Variants in DEF8 observed in about 807,000 individuals in gnomAD.
The protein encoded by DEF8 is DEF-8.
Under a neutral mutation model 59.1 loss-of-function variants are expected in DEF8, and 38 were observed. The observed-to-expected ratio is 0.64, with a 90% CI of 0.50 to 0.84. The LOEUF is 0.84. Ranked by LOEUF, DEF8 falls within the 40% of genes least tolerant of loss-of-function variation. DEF8 has a pLI of 0.00. For missense variants in DEF8, 557 were observed against 615.2 expected (o/e 0.91, Z 1.00); for synonymous variants, 265 against 250.1 (o/e 1.06, Z -0.56).
In DEF8 at chr16:89,954,216, C is replaced by T; in HGVS notation, c.-10-27C>T. The T allele has an allele frequency of 6.2e-7, 1 of 1,606,758 alleles. No homozygotes were observed. Among genetic ancestry groups the T allele is most frequent in the Non-Finnish European group, 8.5e-7 (1 of 1,177,124 alleles). On this transcript the variant is annotated intron_variant, in intron 2 of 12. Transcript: ENST00000563594. This position sits in a 1 kb window ranked among gnomAD's most constrained non-coding sequence, Gnocchi z 4.3. ...CCGTGGTGAGCCTGGTACCTGGGGA[C>T]TCATCCTGGCCCTGCCTGGCCCTCA...
Position 89,959,164 on chromosome 16 carries a change from A to C in DEF8, c.514+9A>C. The C allele has an allele frequency of 6.2e-7, 1 of 1,613,942 alleles. No individual in the cohort carries two copies. Among genetic ancestry groups the C allele is most frequent in the Non-Finnish European group, 8.5e-7 (1 of 1,180,032 alleles). On this transcript the variant is annotated intron_variant, in intron 6 of 12. Coordinates refer to ENST00000563594, the MANE Select transcript of DEF8 (RefSeq NM_001242818.2). Reference sequence around the variant, plus strand: ...CTGGTACACCTGCACAGGTGGGCCGAGACCCAGACGAGGAGTGAGGAATGA... The same window carrying C: ...CTGGTACACCTGCACAGGTGGGCCGCGACCCAGACGAGGAGTGAGGAATGA...
chr16:89,962,139 C>T lies in DEF8; in HGVS notation c.921+14C>T, dbSNP rs894829489. 2.5e-6 allele frequency: 4 copies of T among 1,608,678 alleles called. No individual in the cohort carries two copies. The highest frequency in any genetic ancestry group is 1.7e-5 in the Admixed American group (1 of 59,802). On this transcript the variant is annotated intron_variant, in intron 9 of 12. Coordinates refer to ENST00000563594, the MANE Select transcript of DEF8 (RefSeq NM_001242818.2). ...GTGGAGATTCGCGTGAGGCTGGGGC[C>T]ATGGAAGTGGGGGGCGGGGGCGCTG...
chr16:89,950,786 CCT>C (rs113500176), intron 2 of DEF8, among the ~76,000 whole-genome samples: 19,939 of 152,016 alleles, frequency 0.13, 1,464 homozygotes, highest in Middle Eastern at 0.24. Flanking sequence ...TTGAGACCAG[CCT>C]GGGCATCAGA....
chr16:89,963,568 C>G (rs970178946), intron 10 of DEF8, 125 bp downstream of exon 10: 1 of 702,320 alleles, frequency 1.4e-6, no homozygotes, highest in Non-Finnish European at 2.4e-6. Flanking sequence ...CGCCTCACCA[C>G]GGTCCCAAGG....
In DEF8 at chr16:89,954,488, G is replaced by A. The variant is rs879248064; in HGVS notation, c.124+112G>A. The A allele has an allele frequency of 1.6e-5, 18 of 1,141,006 alleles. No homozygotes were observed. Among genetic ancestry groups the A allele is most frequent in the South Asian group, 9.1e-5 (6 of 66,292 alleles). The allele number at this position is 1,141,006 out of a possible 1,614,324, so 70.7% of individuals were successfully genotyped here. A position where few individuals can be genotyped will look rare whatever the true frequency, so the allele number is the denominator to read the frequency against. On this transcript the variant is annotated intron_variant, in intron 3 of 12. Transcript: ENST00000563594. The surrounding 1 kb of genome is among the most constrained non-coding windows in gnomAD (Gnocchi z 4.3). ...GCAGCCCTGGCTTTCCCACGGAGCC[G>A]GCACCTGCTGGCTGTGTTCTTTTTC...
rs2097911180 is a variant in DEF8 at position 89,966,067 on chromosome 16, C to A, written c.*104C>A. 2 of 807,742 alleles carry A rather than the reference C, an allele frequency of 2.5e-6. No individual in the cohort carries two copies. Among genetic ancestry groups the A allele is most frequent in the Non-Finnish European group, 3.9e-6 (2 of 510,276 alleles). 50.0% of individuals were successfully genotyped at this position (807,742 alleles called of 1,614,324 possible). ...GGAGACCCCTGGGGTGCGGCCCTGG[C>A]CCCCTCCACCCCTGCTGGGCCAGAG... On this transcript the variant is annotated 3_prime_UTR_variant, in exon 13 of 13. Transcript: ENST00000563594.
chr16:89,955,284 G>C lies in DEF8; in HGVS notation c.222+18G>C. 3 of 1,604,250 alleles carry C rather than the reference G, an allele frequency of 1.9e-6. No individual in the cohort carries two copies. The highest frequency in any genetic ancestry group is 2.6e-6 in the Non-Finnish European group (3 of 1,171,522). ...GCCCTGTGGTAAGGTTTTAGATCTC[G>C]GAGGGGAGAGGGACTGAGGGAACCC... On this transcript the variant is annotated intron_variant, in intron 4 of 12. Transcript: ENST00000563594.
intron 5 of DEF8, chr16:89,958,246 C>A (rs1429913886): frequency 6.6e-6 from 1 of 152,360 alleles, no homozygotes; most frequent in Non-Finnish European, 1.5e-5. Context: ...GGGCTGTGTG[C>A]CCGCCCACTG....
chr16:89,953,601 T>G (rs2032594614), intron 2 of DEF8, among the ~76,000 whole-genome samples: 1 of 152,166 alleles, frequency 6.6e-6, no homozygotes, highest in African/African-American at 2.4e-5. Flanking sequence ...TGTAGGGGGC[T>G]TCTCTGTGTG....
chr16:89,964,802 G>A (rs891354759), intron 12 of DEF8, among the ~76,000 whole-genome samples: 1 of 152,214 alleles, frequency 6.6e-6, no homozygotes, highest in Non-Finnish European at 1.5e-5. Flanking sequence ...CCTGGGGGAT[G>A]AGGGGGCTGC....
chr16:89,960,785 C>G, intron 6 of DEF8, 146 bp from the exon 7 acceptor site: 1 of 834,980 alleles, frequency 1.2e-6, no homozygotes, highest in South Asian at 1.7e-5. Flanking sequence ...CTTTGAGGTT[C>G]TAAGGCCTCC....
At chr16:89,959,318 T>G in intron 6 of DEF8, 163 bp downstream of exon 6, 1 of 1,475,944 alleles carries the variant, frequency 6.8e-7, no homozygotes, top group Non-Finnish European at 9.0e-7. Context: ...TTGTACTGTC[T>G]ACATTGGACA....
chr16:89,949,581 C>T (rs1328369519), intron 2 of DEF8, 68 bp downstream of exon 2: 2 of 1,613,322 alleles, frequency 1.2e-6, no homozygotes, highest in East Asian at 2.2e-5. Flanking sequence ...GGGGTGGCAG[C>T]TGCAGTGATG....
chr16:89,958,691 C>T (rs2033607464), intron 5 of DEF8, among the ~76,000 whole-genome samples: 1 of 152,186 alleles, frequency 6.6e-6, no homozygotes, highest in Admixed American at 6.5e-5. Context: ...ACCTAACCGG[C>T]AAAAAGCAGG....
chr16:89,963,543 C>A, intron 10 of DEF8, 100 bp downstream of exon 10: 1 of 967,336 alleles, frequency 1.0e-6, no homozygotes, highest in Non-Finnish European at 1.6e-6. Flanking sequence ...GCGTGGAGTG[C>A]CTTTAGCAGA....
Position 89,963,433 on chromosome 16 carries a change from TGCTGCTGCAGGTCAGAC to T in DEF8, c.993_1002+7del. On this transcript the variant is annotated splice_donor_variant and splice_donor_5th_base_variant and coding_sequence_variant and intron_variant, in exon 10 of 13. Coordinates refer to ENST00000563594, the MANE Select transcript of DEF8 (RefSeq NM_001242818.2). LOFTEE classifies it high-confidence loss of function. Reference sequence around the variant, plus strand: ...TGCAGGGAGGCCATGGAGGCTCGTCTGCTGCTGCAGGTCAGACTGCCAGCAGGACTGGCCCCCGATGG... The same window carrying T: ...TGCAGGGAGGCCATGGAGGCTCGTCTTGCCAGCAGGACTGGCCCCCGATGG... 6.2e-7 allele frequency: 1 copy of T among 1,613,470 alleles called. No homozygotes were observed. Among genetic ancestry groups the T allele is most frequent in the Non-Finnish European group, 8.5e-7 (1 of 1,179,704 alleles).
At position 89,959,119 on chromosome 16, in the gene DEF8, A is replaced by G; in HGVS notation, c.478A>G (p.Ile160Val). Residue 160 changes from isoleucine (I) to valine (V), a missense_variant, in exon 6 of 13, where the codon ATC becomes GTC. Coordinates refer to ENST00000563594, the MANE Select transcript of DEF8 (RefSeq NM_001242818.2). The stretch of plus-strand genomic sequence containing the variant: ...GACCTGTGACAAGTGTAACACCATC[A>G]TCTGGGGGCTCATTCAGACCTGGTA... ...KQTCDKCNTI[I>V]WGLIQTWYTC... is the part of the protein sequence containing the mutation. 6.2e-7 allele frequency: 1 copy of G among 1,613,898 alleles called. No individual in the cohort carries two copies. Among genetic ancestry groups the G allele is most frequent in the Middle Eastern group, 1.6e-4 (1 of 6,062 alleles).
At chr16:89,953,662 G>T (rs2032609134) in intron 2 of DEF8, among the ~76,000 whole-genome samples, 1 of 152,168 alleles carries the variant, frequency 6.6e-6, no homozygotes, top group Non-Finnish European at 1.5e-5. Flanking sequence ...GGGGAAGGTG[G>T]GCCCTGCTCA....
chr16:89,964,559 TC>T lies in DEF8; in HGVS notation c.1239del (p.Ala414ArgfsTer23), dbSNP rs2034437593. ...DSHTSVCADC[S>X]AVFHRDCYYD... Reference sequence around the variant, plus strand: ...CCACACGTCTGTGTGCGCCGACTGCTCCGCGGTCTTCCACAGGTGGGTGTGG... The same window carrying T: ...CCACACGTCTGTGTGCGCCGACTGCTCGCGGTCTTCCACAGGTGGGTGTGG... On this transcript the variant is annotated frameshift_variant, in exon 12 of 13. Coordinates refer to ENST00000563594, the MANE Select transcript of DEF8 (RefSeq NM_001242818.2). LOFTEE classifies it high-confidence loss of function. 1 of 1,571,862 alleles carries T rather than the reference TC, an allele frequency of 6.4e-7. No individual in the cohort carries two copies. Among genetic ancestry groups the T allele is most frequent in the Admixed American group, 1.8e-5 (1 of 54,098 alleles).
Sources: allele counts gnomAD v4.1 joint callset (sites outside exome capture counted in the v4.1 genomes callset), GRCh38; gene constraint gnomAD v4.1.1; non-coding constraint Gnocchi (gnomAD v3.1); transcripts MANE v1.5; gene names NCBI Gene and HGNC (gene_info 2026-07-23, HGNC 2026-07-21).